PRKAG2: variants seen among roughly 807,000 people sequenced by gnomAD.
PRKAG2 encodes the protein protein kinase AMP-activated non-catalytic subunit gamma 2.
In PRKAG2, 26 loss-of-function variants were observed where a neutral mutation model predicts 69.6. The observed-to-expected ratio is 0.37, with a 90% confidence interval of 0.27 to 0.52. The LOEUF is 0.52. Ranked by LOEUF, PRKAG2 falls within the 20% of genes least tolerant of loss-of-function variation. The pLI is 0.90. For missense variants in PRKAG2, 557 were observed against 740.0 expected (o/e 0.75, Z 2.87); for synonymous variants, 293 against 285.0 (o/e 1.03, Z -0.28).
chr7:151,768,717 T>C (rs1203706591), intron 3 of PRKAG2, among the ~76,000 whole-genome samples: 6 of 152,238 alleles, frequency 3.9e-5, no homozygotes, highest in African/African-American at 1.4e-4. Context: ...TCTGCCCACC[T>C]CAGCCTCCCA....
At position 151,876,666 on chromosome 7, in the gene PRKAG2, T is replaced by TCC; in HGVS notation, c.-48_-47dup. On this transcript the variant is annotated 5_prime_UTR_variant, in exon 1 of 16. Coordinates refer to ENST00000287878, the MANE Select transcript of PRKAG2 (RefSeq NM_016203.4). The stretch of plus-strand genomic sequence containing the variant: ...TCTGCGAAACTCCTCGGGGGTTCGG[T>TCC]CCCCTCCTTCCCTCCCCCGGCCGCT... 1 of 1,550,912 alleles carries TCC rather than the reference T, an allele frequency of 6.4e-7. No individual in the cohort carries two copies. Among genetic ancestry groups the TCC allele is most frequent in the Non-Finnish European group, 8.8e-7 (1 of 1,134,640 alleles).
chr7:151,774,012 C>G (rs2076211460), intron 3 of PRKAG2, among the ~76,000 whole-genome samples: 1 of 152,118 alleles, frequency 6.6e-6, no homozygotes, highest in Non-Finnish European at 1.5e-5. Context: ...AGGTGGCACG[C>G]CAGATTTTGT....
rs563891001 is a variant in PRKAG2, at chr7:151,751,391, G to A, written c.466+29761C>T. Among the ~76,000 whole-genome samples, 6 of 151,740 alleles carry A rather than the reference G, an allele frequency of 4.0e-5. No homozygotes were observed. In the South Asian group the frequency reaches 1.0e-3, roughly 26 times the overall value. ...AGCCTCCCAAAGTGCTGGGATTACA[G>A]GTTTAGTAAGCCACCACGCCCGGCC... On this transcript the variant is annotated intron_variant, in intron 3 of 15. Coordinates refer to ENST00000287878, the MANE Select transcript of PRKAG2 (RefSeq NM_016203.4).
At chr7:151,692,624 T>G (rs1047064109) in intron 3 of PRKAG2, among the ~76,000 whole-genome samples, 1 of 152,160 alleles carries the variant, frequency 6.6e-6, no homozygotes, top group Admixed American at 6.5e-5. Context: ...TAATCCTGAC[T>G]TTTACAACAG....
rs59146140 is a variant in PRKAG2, at chr7:151,561,932, TA to T, written c.1585-1316del. Among the ~76,000 whole-genome samples, 455 of 81,736 alleles carry T rather than the reference TA, an allele frequency of 5.6e-3. 1 individual carries two copies. Among genetic ancestry groups the T allele is most frequent in the South Asian group, 0.013 (28 of 2,194 alleles). The allele number at this position is 81,736 out of a possible 152,430, so 53.6% of individuals were successfully genotyped here. ...TGGGCGACAGAGCGAGACTGTGTCTTAAAAAAAAAAAAAAAAAGGCTTTGGA... is the reference window on the plus strand; with the variant it reads ...TGGGCGACAGAGCGAGACTGTGTCTTAAAAAAAAAAAAAAAAGGCTTTGGA... On this transcript the variant is annotated intron_variant, in intron 14 of 15. Coordinates refer to ENST00000287878, the MANE Select transcript of PRKAG2 (RefSeq NM_016203.4).
At chr7:151,865,510 G>A (rs1384277093) in intron 1 of PRKAG2, among the ~76,000 whole-genome samples, 1 of 152,218 alleles carries the variant, frequency 6.6e-6, no homozygotes, top group African/African-American at 2.4e-5. Context: ...TGAGGGGAGA[G>A]AGGGGCCCAT....
intron 6 of PRKAG2, among the ~76,000 whole-genome samples, chr7:151,590,388 C>T (rs1225929533): frequency 3.9e-5 from 6 of 152,150 alleles, no homozygotes; most frequent in African/African-American, 9.7e-5. Flanking sequence ...GATGCACAGG[C>T]GGAATTGGTG....
At position 151,781,181 on chromosome 7, in the gene PRKAG2, C is replaced by A; in HGVS notation, c.437G>T (p.Gly146Val). Residue 146 changes from glycine to valine, a missense_variant, in exon 3 of 16, where the codon GGC becomes GTC. Gly to Val is a moderately radical substitution (Grantham distance 109). Transcript: ENST00000287878. This position sits in a 1 kb window ranked among gnomAD's most constrained non-coding sequence, Gnocchi z 6.1. ...PNSNPATSPGGIRFFSRSRKT... is the reference protein window; with the variant it reads ...PNSNPATSPGVIRFFSRSRKT... ...TCTGGAGCGGGAGAAAAACCTGATG[C>A]CCCCGGGCGAGGTAGCAGGGTTGGA... is the stretch of plus-strand genomic sequence containing the variant. 1 of 1,613,908 alleles carries A rather than the reference C, an allele frequency of 6.2e-7. No homozygotes were observed. Among genetic ancestry groups the A allele is most frequent in the Non-Finnish European group, 8.5e-7 (1 of 1,179,998 alleles).
At chr7:151,682,913 C>G (rs1295292462) in intron 3 of PRKAG2, among the ~76,000 whole-genome samples, 2 of 152,208 alleles carry the variant, frequency 1.3e-5, no homozygotes, top group African/African-American at 4.8e-5. Flanking sequence ...AGGGGCCTCT[C>G]CTAAGGGCCC....
intron 1 of PRKAG2, among the ~76,000 whole-genome samples, chr7:151,813,582 T>C (rs1393307184): frequency 6.6e-6 from 1 of 151,874 alleles, no homozygotes; most frequent in African/African-American, 2.4e-5. Flanking sequence ...GAGCTCCGAA[T>C]CTAGTACTTT....
At chr7:151,874,396 TATGTATATGTATATG>T (rs2080326326) in intron 1 of PRKAG2, among the ~76,000 whole-genome samples, 1 of 65,238 alleles carries the variant, frequency 1.5e-5, no homozygotes, top group African/African-American at 6.2e-5. Context: ...ATATGATGTA[TATGTATATGTATATG>T]ATGTATATGT....
chr7:151,849,481 C>G (rs1445874358), intron 1 of PRKAG2, among the ~76,000 whole-genome samples: 10 of 152,204 alleles, frequency 6.6e-5, no homozygotes, highest in Non-Finnish European at 1.2e-4. Flanking sequence ...ACAAGAAACA[C>G]CAAGTCCTGC....
chr7:151,683,498 C>G (rs1834196366), intron 3 of PRKAG2, among the ~76,000 whole-genome samples: 1 of 152,190 alleles, frequency 6.6e-6, no homozygotes, highest in South Asian at 2.1e-4. Flanking sequence ...GAGCCTCATT[C>G]CTGCCTGAGG....
At chr7:151,773,803 G>A (rs1458303032) in intron 3 of PRKAG2, among the ~76,000 whole-genome samples, 4 of 152,158 alleles carry the variant, frequency 2.6e-5, no homozygotes, top group East Asian at 3.8e-4. Context: ...AAGATTCACT[G>A]TTCTGGAAGC....
intron 1 of PRKAG2, among the ~76,000 whole-genome samples, chr7:151,855,141 A>G (rs866902080): frequency 0.011 from 135 of 12,202 alleles, 26 homozygotes; most frequent in African/African-American, 0.03. Context: ...CACACACACC[A>G]CCCTACACAC....
At chr7:151,728,869 T>C (rs1229381156) in intron 3 of PRKAG2, among the ~76,000 whole-genome samples, 1 of 152,060 alleles carries the variant, frequency 6.6e-6, no homozygotes, top group Non-Finnish European at 1.5e-5. Context: ...GGGGATTTAG[T>C]CTTCCTGACT....
At chr7:151,732,133 CTTT>C (rs59078328) in intron 3 of PRKAG2, among the ~76,000 whole-genome samples, 46,288 of 94,968 alleles carry the variant, frequency 0.49, 10,387 homozygotes, top group South Asian at 0.64. Context: ...CAGCACCTGG[CTTT>C]TTTTTTTTTT....
At position 151,556,824 on chromosome 7, in the gene PRKAG2, T is replaced by G. The variant is rs944304803; in HGVS notation, c.*377A>C. The G allele has an allele frequency of 8.6e-6, 2 of 233,504 alleles. No individual in the cohort carries two copies. The highest frequency in any genetic ancestry group is 1.0e-4 in the Admixed American group (2 of 19,452). 14.5% of individuals were successfully genotyped at this position (233,504 alleles called of 1,614,324 possible). On this transcript the variant is annotated 3_prime_UTR_variant, in exon 16 of 16. Coordinates refer to ENST00000287878, the MANE Select transcript of PRKAG2 (RefSeq NM_016203.4). ...GTGCGCCCCGGCTGCGGCGGTGACATATTGCTGTATTCGGACATAAGGCAC... is the reference window on the plus strand; with the variant it reads ...GTGCGCCCCGGCTGCGGCGGTGACAGATTGCTGTATTCGGACATAAGGCAC...
chr7:151,661,742 C>T (rs569167301), intron 4 of PRKAG2, among the ~76,000 whole-genome samples: 33 of 152,218 alleles, frequency 2.2e-4, no homozygotes, highest in Admixed American at 7.2e-4. Context: ...AGAGGCTGGG[C>T]GGTCATTGAT....
Sources: allele counts gnomAD v4.1 joint callset (sites outside exome capture counted in the v4.1 genomes callset), GRCh38; gene constraint gnomAD v4.1.1; non-coding constraint Gnocchi (gnomAD v3.1); transcripts MANE v1.5; gene names NCBI Gene and HGNC (gene_info 2026-07-23, HGNC 2026-07-21).